The following PCSK6 variants were observed in gnomAD, a reference collection of about 807,000 sequenced individuals.
PCSK6 encodes paired basic amino acid cleaving enzyme 4.
PCSK6 carries 85 observed loss-of-function variants against 123.3 expected under a neutral mutation model. That is an observed-to-expected ratio of 0.69 (90% CI 0.58 to 0.83). PCSK6 has a LOEUF of 0.83. Among genes scored for constraint, PCSK6 ranks in the 40% least tolerant of loss-of-function variants. The probability of loss-of-function intolerance (pLI) is 0.00; values close to 1 mark genes in which losing one functional copy is unlikely to be tolerated. For synonymous variants in PCSK6, 508 were observed against 516.0 expected, an observed-to-expected ratio of 0.98 and a Z score of 0.21; for missense variants, 1,191 against 1,282.3, an observed-to-expected ratio of 0.93 and a Z score of 1.09.
rs950457731 is a variant in PCSK6, at chr15:101,313,074, G to C, written c.2699+302C>G. 1.8e-5 allele frequency: 24 copies of C among 1,312,440 alleles called. No homozygotes were observed. The Admixed American group carries it at 3.9e-4, about 21-fold the overall frequency. 81.3% of individuals were successfully genotyped at this position (1,312,440 alleles called of 1,614,324 possible). On this transcript the variant is annotated intron_variant, in intron 20 of 21. Transcript: ENST00000611716. ...CGACAGTGCAAAGGATGCATGCTGA[G>C]CGCGACATGGGCAGGGACGTCCCGC...
chr15:101,459,494 C>CTAAGTCCACACCACCA (rs2057286433), intron 1 of PCSK6, among the ~76,000 whole-genome samples: 1 of 111,132 alleles, frequency 9.0e-6, no homozygotes, highest in African/African-American at 3.7e-5. Context: ...CCACACCACC[C>CTAAGTCCACACCACCA]GCTGCCACCG....
intron 1 of PCSK6, among the ~76,000 whole-genome samples, chr15:101,483,177 T>C (rs983842096): frequency 1.3e-5 from 2 of 152,148 alleles, no homozygotes; most frequent in African/African-American, 4.8e-5. Context: ...AGGTCACAGG[T>C]GACTGCTCTT....
chr15:101,328,234 C>T (rs545019828), intron 15 of PCSK6, among the ~76,000 whole-genome samples: 51 of 152,352 alleles, frequency 3.3e-4, no homozygotes, highest in African/African-American at 1.1e-3. Flanking sequence ...CCTGCAGCGT[C>T]TTCTCCCTGA....
intron 6 of PCSK6, among the ~76,000 whole-genome samples, chr15:101,421,729 C>G (rs2056091007): frequency 6.6e-6 from 1 of 152,200 alleles, no homozygotes; most frequent in Non-Finnish European, 1.5e-5. Context: ...TTGACTGGAA[C>G]TTCACCAGTG....
In PCSK6 at chr15:101,339,910, AAT is replaced by A. The variant is rs113117643; in HGVS notation, c.1859-7881_1859-7880del. Among the ~76,000 whole-genome samples, 553 of 146,860 alleles carry A rather than the reference AAT, an allele frequency of 3.8e-3. 2 individuals carry two copies. The highest frequency in any genetic ancestry group is 8.7e-3 in the African/African-American group (351 of 40,462). ...GGGTGACAGAGCAAGACCCTTTCTC[AAT>A]ATATATATATATATATATATAAAAT... On this transcript the variant is annotated intron_variant, in intron 13 of 21. Transcript: ENST00000611716.
At chr15:101,461,424 C>G (rs373368598) in intron 1 of PCSK6, among the ~76,000 whole-genome samples, 1 of 152,180 alleles carries the variant, frequency 6.6e-6, no homozygotes, top group African/African-American at 2.4e-5. Flanking sequence ...GTAAGCTGTA[C>G]CAAAATTTCA....
intron 13 of PCSK6, chr15:101,347,241 C>G: frequency 8.1e-7 from 1 of 1,232,446 alleles, no homozygotes; most frequent in Admixed American, 4.2e-5. Context: ...CCATCGAACA[C>G]AGATTGCAAA....
chr15:101,314,037 T>C (rs1216945266), intron 19 of PCSK6, among the ~76,000 whole-genome samples: 2 of 152,184 alleles, frequency 1.3e-5, no homozygotes, highest in African/African-American at 2.4e-5. Context: ...GGCCCTTCCA[T>C]TGCACAGAAC....
intron 1 of PCSK6, among the ~76,000 whole-genome samples, chr15:101,449,142 C>G (rs11855632): frequency 0.032 from 4,943 of 152,202 alleles, 258 homozygotes; most frequent in African/African-American, 0.11. Flanking sequence ...CACAGATGCT[C>G]AAGTCCCTGA....
chr15:101,347,827 G>A (rs1346520679), intron 13 of PCSK6: 6 of 1,487,534 alleles, frequency 4.0e-6, no homozygotes, highest in Non-Finnish European at 5.6e-6. Context: ...GCTTTATTGG[G>A]AGGTGCAATC....
At chr15:101,394,444 G>T (rs1017170194) in intron 7 of PCSK6, among the ~76,000 whole-genome samples, 3 of 152,142 alleles carry the variant, frequency 2.0e-5, no homozygotes, top group Admixed American at 6.5e-5. Context: ...AAAGATTAGC[G>T]AGTGGAAGAC....
At chr15:101,394,917 G>A (rs948806121) in intron 7 of PCSK6, among the ~76,000 whole-genome samples, 2 of 152,196 alleles carry the variant, frequency 1.3e-5, no homozygotes, top group Non-Finnish European at 2.9e-5. Flanking sequence ...TGTCGGGGTG[G>A]CCAAGAGCTC....
chr15:101,362,863 C>T (rs1368341786), intron 13 of PCSK6, among the ~76,000 whole-genome samples: 3 of 152,238 alleles, frequency 2.0e-5, no homozygotes, highest in Admixed American at 1.3e-4. Context: ...CTGTGGTCCC[C>T]AGAGAGGGTG....
intron 1 of PCSK6, among the ~76,000 whole-genome samples, chr15:101,473,955 C>T (rs988879193): frequency 3.9e-5 from 6 of 152,142 alleles, no homozygotes; most frequent in African/African-American, 1.4e-4. Flanking sequence ...TTATCAAAGT[C>T]ATGATACATA....
rs115185057 is a variant in PCSK6, at chr15:101,426,416, G to A, written c.823+1476C>T. ...CCGATTCTACAGATCCTGGAGAGAC[G>A]TCTCAGGGCTCTGCACCCATCATCA... On this transcript the variant is annotated intron_variant, in intron 6 of 21. Coordinates refer to ENST00000611716, the MANE Select transcript of PCSK6 (RefSeq NM_002570.5). Among the ~76,000 whole-genome samples, 467 of 152,318 alleles carry A rather than the reference G, an allele frequency of 3.1e-3. 4 individuals carry two copies. Among genetic ancestry groups the A allele is most frequent in the African/African-American group, 0.01 (435 of 41,562 alleles).
chr15:101,419,332 A>T (rs1310318049), intron 6 of PCSK6, among the ~76,000 whole-genome samples: 2 of 152,154 alleles, frequency 1.3e-5, no homozygotes, highest in Non-Finnish European at 2.9e-5. Context: ...ACAAATTTTT[A>T]AAAAATCTAG....
rs557764170 is a variant in PCSK6 at position 101,312,605 on chromosome 15, T to C, written c.2699+771A>G. ...CAGCACTTTGGGAGGCTGAGGTGGG[T>C]GGATCACTTGAGGCCAGGAGTTCGA... is the stretch of plus-strand genomic sequence containing the variant. On this transcript the variant is annotated intron_variant, in intron 20 of 21. Transcript: ENST00000611716. Among the ~76,000 whole-genome samples the C allele has an allele frequency of 2.6e-5, 4 of 152,124 alleles. No individual in the cohort carries two copies. In the East Asian group the frequency reaches 7.7e-4, roughly 29 times the overall value.
intron 13 of PCSK6, among the ~76,000 whole-genome samples, chr15:101,348,961 C>T (rs1293269775): frequency 3.9e-5 from 6 of 152,224 alleles, no homozygotes; most frequent in African/African-American, 1.4e-4. Context: ...ATTTGGTTTT[C>T]GTAACTGATC....
intron 6 of PCSK6, among the ~76,000 whole-genome samples, chr15:101,406,442 C>T (rs8036296): frequency 0.026 from 4,028 of 152,306 alleles, 198 homozygotes; most frequent in African/African-American, 0.092. Flanking sequence ...GCCTCCCCAA[C>T]ACATTTTGCT....
Sources: gnomAD v4.1 joint callset for allele counts (sites outside exome capture counted in the v4.1 genomes callset) on GRCh38, gnomAD v4.1.1 for gene constraint, MANE v1.5 for transcripts, NCBI Gene and HGNC (gene_info 2026-07-23, HGNC 2026-07-21) for gene names.